ME3: variants seen among roughly 807,000 people sequenced by gnomAD.
The protein encoded by ME3 is NADP-dependent malic enzyme, mitochondrial.
A neutral mutation model predicts 68.9 loss-of-function variants in ME3; 48 were observed. The ratio of observed to expected loss-of-function variants is 0.70; its 90% CI spans 0.55 to 0.89. ME3 has a LOEUF of 0.89. ME3 is among the 40% of genes least tolerant of loss of function. ME3 has a pLI of 0.00. For missense variants in ME3, 675 were observed against 797.4 expected (o/e 0.85, Z 1.85); for synonymous variants, 320 against 318.8 (o/e 1.00, Z -0.04).
chr11:86,452,983 G>GTTTTGT (rs551673628), intron 8 of ME3, among the ~76,000 whole-genome samples: 1 of 151,386 alleles, frequency 6.6e-6, no homozygotes, highest in Non-Finnish European at 1.5e-5. Flanking sequence ...TTTGTTAGAG[G>GTTTTGT]TTTTGTTTTT....
chr11:86,652,318 G>A lies in ME3; in HGVS notation c.183+19444C>T, dbSNP rs559605756. Reference sequence around the variant, plus strand: ...CAGATTCACCAAAGTTGAAATGAAGGAAAAAATGTTAAGGGCAGCCAGAGA... The same window carrying A: ...CAGATTCACCAAAGTTGAAATGAAGAAAAAAATGTTAAGGGCAGCCAGAGA... On this transcript the variant is annotated intron_variant, in intron 2 of 14. Transcript: ENST00000543262. 5.9e-5 allele frequency among the ~76,000 whole-genome samples: 9 copies of A among 152,240 alleles called. No individual in the cohort carries two copies. In the South Asian group the frequency reaches 1.7e-3, roughly 28 times the overall value.
At chr11:86,549,497 C>G (rs1956556013) in intron 4 of ME3, among the ~76,000 whole-genome samples, 1 of 152,214 alleles carries the variant, frequency 6.6e-6, no homozygotes, top group South Asian at 2.1e-4. Context: ...AAAATTCTTT[C>G]TATATGACTG....
intron 6 of ME3, among the ~76,000 whole-genome samples, chr11:86,496,283 G>C (rs1049566028): frequency 6.6e-6 from 1 of 152,136 alleles, no homozygotes. Flanking sequence ...GCACATGCCT[G>C]TAATCCCAGC....
chr11:86,587,548 C>T (rs1252477652), intron 2 of ME3, among the ~76,000 whole-genome samples: 5 of 152,204 alleles, frequency 3.3e-5, no homozygotes, highest in African/African-American at 9.6e-5. Flanking sequence ...AGGCCTAACT[C>T]GAGTCTTGCC....
chr11:86,618,340 A>C (rs971451722), intron 2 of ME3, among the ~76,000 whole-genome samples: 1 of 143,970 alleles, frequency 6.9e-6, no homozygotes, highest in Non-Finnish European at 1.5e-5. Context: ...GTAGGATCAT[A>C]AACTACCTAA....
At chr11:86,621,326 T>TAACTCTCA (rs1565226761) in intron 2 of ME3, among the ~76,000 whole-genome samples, 1 of 152,190 alleles carries the variant, frequency 6.6e-6, no homozygotes, top group African/African-American at 2.4e-5. Context: ...ATAGAATTCA[T>TAACTCTCA]GGGATTTAAG....
chr11:86,446,194 G>C, intron 13 of ME3, 120 bp downstream of exon 13: 1 of 1,182,796 alleles, frequency 8.5e-7, no homozygotes, highest in Non-Finnish European at 1.2e-6. Context: ...TAAGCACTTT[G>C]GGAATCCACT....
intron 13 of ME3, among the ~76,000 whole-genome samples, chr11:86,445,461 C>T (rs1016825545): frequency 6.6e-6 from 1 of 152,188 alleles, no homozygotes; most frequent in Non-Finnish European, 1.5e-5. Context: ...ACCAGTGCCT[C>T]AGTGAGAAGG....
intron 8 of ME3, among the ~76,000 whole-genome samples, chr11:86,454,315 T>C (rs1949798226): frequency 6.6e-6 from 1 of 152,230 alleles, no homozygotes; most frequent in Admixed American, 6.5e-5. Context: ...TTTGAGAATC[T>C]CTATATAGAA....
In ME3 at chr11:86,586,983, G is replaced by A. The variant is rs883190; in HGVS notation, c.184-27160C>T. Among the ~76,000 whole-genome samples, 16 of 152,314 alleles carry A rather than the reference G, an allele frequency of 1.1e-4. No homozygotes were observed. In the East Asian group the frequency reaches 2.3e-3, roughly 22 times the overall value. ...ATGGGGTGGAGAATGGAAGTGGCAA[G>A]GATGTGCAGATCTGAAAGTCTGTCA... On this transcript the variant is annotated intron_variant, in intron 2 of 14. Transcript: ENST00000543262.
chr11:86,642,452 A>C (rs574919045), intron 2 of ME3, among the ~76,000 whole-genome samples: 211 of 152,360 alleles, frequency 1.4e-3, no homozygotes, highest in African/African-American at 4.8e-3. Flanking sequence ...TTGGGAGATA[A>C]AATTATAACC....
At chr11:86,455,874 G>C (rs976199018) in intron 8 of ME3, among the ~76,000 whole-genome samples, 2 of 137,718 alleles carry the variant, frequency 1.5e-5, no homozygotes, top group African/African-American at 5.1e-5. Flanking sequence ...TCAACAAGCA[G>C]TTTAAATAAG....
intron 4 of ME3, among the ~76,000 whole-genome samples, chr11:86,526,042 A>C (rs552709153): frequency 1.2e-4 from 19 of 152,322 alleles, no homozygotes; most frequent in African/African-American, 4.3e-4. Context: ...GGTGCAGCGC[A>C]CCGAGCATGA....
At chr11:86,571,555 G>A (rs529031914) in intron 2 of ME3, among the ~76,000 whole-genome samples, 2 of 152,338 alleles carry the variant, frequency 1.3e-5, no homozygotes, top group East Asian at 3.9e-4. Context: ...CTGAGAAATT[G>A]AATTTTGTAT....
At chr11:86,523,297 T>C (rs550648087) in intron 4 of ME3, among the ~76,000 whole-genome samples, 178 of 152,328 alleles carry the variant, frequency 1.2e-3, no homozygotes, top group African/African-American at 4.1e-3. Context: ...GTTGTCCTCA[T>C]TTACACCTGA....
intron 7 of ME3, among the ~76,000 whole-genome samples, chr11:86,474,516 A>G (rs919531487): frequency 6.6e-6 from 1 of 151,964 alleles, no homozygotes. Context: ...GGACATGGCA[A>G]CTCACTCCTC....
intron 4 of ME3, among the ~76,000 whole-genome samples, chr11:86,546,070 T>C (rs1295502990): frequency 6.6e-6 from 1 of 152,200 alleles, no homozygotes; most frequent in Non-Finnish European, 1.5e-5. Flanking sequence ...GGGGAAAGGA[T>C]TCCCTATTTA....
intron 2 of ME3, among the ~76,000 whole-genome samples, chr11:86,583,818 A>G (rs1236994049): frequency 6.6e-6 from 1 of 152,216 alleles, no homozygotes; most frequent in Non-Finnish European, 1.5e-5. Context: ...ATATTGAAAA[A>G]TGGATTACAG....
At chr11:86,437,553 T>G (rs537753157), downstream of ME3, among the ~76,000 whole-genome samples, 8 of 152,298 alleles carry the variant, frequency 5.3e-5, 1 homozygote, top group South Asian at 1.7e-3. Flanking sequence ...TAGATTTGAA[T>G]ATAATTGCAA....
Sources: gnomAD v4.1 joint callset for allele counts (sites outside exome capture counted in the v4.1 genomes callset) on GRCh38, gnomAD v4.1.1 for gene constraint, MANE v1.5 for transcripts, NCBI Gene and HGNC (gene_info 2026-07-23, HGNC 2026-07-21) for gene names.